Variants in ROBO2 observed in about 807,000 individuals in gnomAD.
The protein encoded by ROBO2 is roundabout homolog 2.
ROBO2 carries 53 observed loss-of-function variants against 160.8 expected under a neutral mutation model. That is an observed-to-expected ratio of 0.33 (90% CI 0.26 to 0.41). The LOEUF (loss-of-function observed/expected upper bound fraction) is 0.41. ROBO2 is among the 10% of genes least tolerant of loss of function. The probability of loss-of-function intolerance (pLI) is 1.00; values close to 1 mark genes in which losing one functional copy is unlikely to be tolerated. For missense variants in ROBO2, 1,577 were observed against 1,722.4 expected (o/e 0.92, Z 1.49); for synonymous variants, 664 against 611.7 (o/e 1.09, Z -1.26).
intron 1 of ROBO2, among the ~76,000 whole-genome samples, chr3:75,911,662 G>A (rs4582070): frequency 0.97 from 124,537 of 128,254 alleles, 60,410 homozygotes; most frequent in Middle Eastern, 0.99. Flanking sequence ...GGTTCACGCC[G>A]TTCTCCTGCC....
rs544081613 is a variant in ROBO2, at chr3:77,396,858, G to A, written c.389-80556G>A. On this transcript the variant is annotated intron_variant, in intron 2 of 25. Transcript: ENST00000461745. ...TGGGCAATTTATTCCGTGATACTAT[G>A]AACCTATAAGTAGAACAATTATTGT... Among the ~76,000 whole-genome samples the A allele has an allele frequency of 2.6e-4, 39 of 152,164 alleles. 1 individual carries two copies. The South Asian group carries it at 5.4e-3, about 21-fold the overall frequency.
intron 2 of ROBO2, among the ~76,000 whole-genome samples, chr3:76,451,756 C>T (rs533146066): frequency 2.0e-5 from 3 of 152,214 alleles, no homozygotes; most frequent in South Asian, 2.1e-4. Context: ...ATACTAATGT[C>T]GGAGACAGAA....
At chr3:77,214,647 A>G (rs575591583) in intron 2 of ROBO2, among the ~76,000 whole-genome samples, 49 of 152,262 alleles carry the variant, frequency 3.2e-4, no homozygotes, top group African/African-American at 1.1e-3. Flanking sequence ...TATTTTGCTC[A>G]TTAGTTGATG....
chr3:77,065,124 A>C (rs1287953556), intron 1 of ROBO2, among the ~76,000 whole-genome samples: 1 of 152,206 alleles, frequency 6.6e-6, no homozygotes, highest in Non-Finnish European at 1.5e-5. Flanking sequence ...ATATAAAATA[A>C]TAATAATCAC....
chr3:76,852,169 A>G (rs998200953), intron 2 of ROBO2, among the ~76,000 whole-genome samples: 4 of 152,160 alleles, frequency 2.6e-5, no homozygotes, highest in Non-Finnish European at 5.9e-5. Flanking sequence ...TTTTACACCT[A>G]TCAGTTGCCT....
chr3:76,502,567 AT>A (rs1303969277), intron 2 of ROBO2, among the ~76,000 whole-genome samples: 4 of 152,118 alleles, frequency 2.6e-5, no homozygotes, highest in African/African-American at 9.7e-5. Context: ...TTCTTTTTAA[AT>A]TTTTTAATTT....
chr3:77,158,715 G>A (rs1225725889), intron 2 of ROBO2, among the ~76,000 whole-genome samples: 1 of 152,066 alleles, frequency 6.6e-6, no homozygotes, highest in Non-Finnish European at 1.5e-5. Flanking sequence ...TTGCCCTGGG[G>A]TTGGTGGCAG....
chr3:76,054,278 A>C (rs2067758415), intron 2 of ROBO2, among the ~76,000 whole-genome samples: 1 of 152,096 alleles, frequency 6.6e-6, no homozygotes, highest in African/African-American at 2.4e-5. Context: ...ATTTTATCTG[A>C]ATTTAGTTCT....
At chr3:76,617,834 G>A (rs1258664213) in intron 2 of ROBO2, among the ~76,000 whole-genome samples, 2 of 151,136 alleles carry the variant, frequency 1.3e-5, no homozygotes, top group Non-Finnish European at 2.9e-5. Flanking sequence ...ATGGTGGAAG[G>A]CACTTCACAG....
chr3:76,272,808 TATA>T, intron 2 of ROBO2, among the ~76,000 whole-genome samples: 1 of 63,860 alleles, frequency 1.6e-5, no homozygotes, highest in Admixed American at 3.3e-4. Flanking sequence ...ATATAAAATA[TATA>T]ATATGTATTT....
chr3:76,023,292 G>A (rs947540694), intron 2 of ROBO2, among the ~76,000 whole-genome samples: 5 of 151,558 alleles, frequency 3.3e-5, no homozygotes, highest in East Asian at 1.9e-4. Context: ...CCTTGTGTTC[G>A]TAAGTTGGCT....
intron 2 of ROBO2, among the ~76,000 whole-genome samples, chr3:76,516,658 A>C (rs2081361889): frequency 6.6e-6 from 1 of 152,164 alleles, no homozygotes; most frequent in Admixed American, 6.5e-5. Context: ...GGAATCAAAA[A>C]ATCATAGAAT....
At chr3:77,347,681 C>G (rs906858966) in intron 2 of ROBO2, among the ~76,000 whole-genome samples, 15 of 152,000 alleles carry the variant, frequency 9.9e-5, no homozygotes, top group African/African-American at 3.1e-4. Context: ...GAGTATTGAT[C>G]TAAATAGACC....
intron 2 of ROBO2, among the ~76,000 whole-genome samples, chr3:75,985,136 T>A (rs2107473119): frequency 6.6e-6 from 1 of 151,612 alleles, no homozygotes; most frequent in African/African-American, 2.4e-5. Flanking sequence ...ATGCCCATCC[T>A]TATGCATTGT....
chr3:76,847,435 CACAGTGGCA>C (rs771142669), intron 2 of ROBO2, among the ~76,000 whole-genome samples: 5 of 152,132 alleles, frequency 3.3e-5, no homozygotes, highest in Non-Finnish European at 5.9e-5. Context: ...ATGGATAAAT[CACAGTGGCA>C]GACTATTGAG....
At chr3:76,378,526 C>T (rs879603901) in intron 2 of ROBO2, among the ~76,000 whole-genome samples, 6 of 152,120 alleles carry the variant, frequency 3.9e-5, no homozygotes, top group African/African-American at 9.7e-5. Context: ...ATTTAAGAAA[C>T]ATTCGAAGAA....
intron 3 of ROBO2, 141 bp from the exon 4 acceptor site, chr3:77,480,958 G>T: frequency 1.4e-6 from 1 of 702,236 alleles, no homozygotes. Context: ...AAACATACCT[G>T]CAAATGCCAA....
At chr3:77,220,417 AATTG>A (rs1486331276) in intron 2 of ROBO2, among the ~76,000 whole-genome samples, 22 of 152,162 alleles carry the variant, frequency 1.4e-4, no homozygotes, top group Non-Finnish European at 1.8e-4. Flanking sequence ...GTAGGTAAAA[AATTG>A]ATTATTAATT....
intron 2 of ROBO2, among the ~76,000 whole-genome samples, chr3:76,665,842 A>G (rs2091997112): frequency 6.8e-6 from 1 of 146,990 alleles, no homozygotes; most frequent in African/African-American, 2.5e-5. Context: ...TTTATTAAAA[A>G]TATTGTGTGA....
Sources: allele counts gnomAD v4.1 joint callset (sites outside exome capture counted in the v4.1 genomes callset), GRCh38; gene constraint gnomAD v4.1.1; transcripts MANE v1.5; gene names NCBI Gene and HGNC (gene_info 2026-07-23, HGNC 2026-07-21).